The following RBM39 variants were observed in gnomAD, a reference collection of about 807,000 sequenced individuals.
RBM39 encodes RNA-binding protein 39.
RBM39 carries 12 observed loss-of-function variants against 79.6 expected under a neutral mutation model. The ratio of observed to expected loss-of-function variants is 0.15; its 90% CI spans 0.10 to 0.24. RBM39 has a LOEUF of 0.24. Ranked by LOEUF, RBM39 falls within the 10% of genes least tolerant of loss-of-function variation. The pLI is 1.00. For synonymous variants in RBM39, 185 were observed against 208.4 expected (o/e 0.89, Z 0.97); for missense variants, 243 against 653.4 (o/e 0.37, Z 6.85).
chr20:35,714,613 T>C (rs1217018529), intron 10 of RBM39, among the ~76,000 whole-genome samples: 1 of 152,156 alleles, frequency 6.6e-6, no homozygotes, highest in Non-Finnish European at 1.5e-5. Context: ...ATATTACAAG[T>C]AATGACAGCT....
At chr20:35,736,240 A>T (rs962540039) in intron 3 of RBM39, among the ~76,000 whole-genome samples, 2 of 152,234 alleles carry the variant, frequency 1.3e-5, no homozygotes, top group African/African-American at 4.8e-5. Flanking sequence ...ACCAGATGAC[A>T]TAAACCATAC....
At chr20:35,711,660 C>T (rs2036428685) in intron 12 of RBM39, among the ~76,000 whole-genome samples, 1 of 152,234 alleles carries the variant, frequency 6.6e-6, no homozygotes, top group East Asian at 1.9e-4. Flanking sequence ...AGAACAACCA[C>T]TAAGAAGGCA....
chr20:35,724,740 T>TTG lies in RBM39; in HGVS notation c.535-20_535-19dup, dbSNP rs2038433465. On this transcript the variant is annotated intron_variant, in intron 7 of 16. Coordinates refer to ENST00000253363, the MANE Select transcript of RBM39 (RefSeq NM_184234.3). Reference sequence around the variant, plus strand: ...TCTCGAACCTAGAAAGAAAACACAGTTGTTTGTGCAAACATCCATTGTAAC... The same window carrying TTG: ...TCTCGAACCTAGAAAGAAAACACAGTTGTGTTTGTGCAAACATCCATTGTAAC... 6.2e-7 allele frequency: 1 copy of TTG among 1,611,740 alleles called. No individual in the cohort carries two copies. The highest frequency in any genetic ancestry group is 8.5e-7 in the Non-Finnish European group (1 of 1,178,086).
At chr20:35,722,225 G>GTC (rs2038034235) in intron 8 of RBM39, among the ~76,000 whole-genome samples, 4 of 151,882 alleles carry the variant, frequency 2.6e-5, no homozygotes, top group African/African-American at 9.7e-5. Flanking sequence ...GGCTAACACA[G>GTC]TGAAACACCA....
chr20:35,734,719 G>C, intron 3 of RBM39: 1 of 980,858 alleles, frequency 1.0e-6, no homozygotes, highest in Non-Finnish European at 1.4e-6. Context: ...ACCCCAGGCA[G>C]GTAAAAAGAC....
intron 6 of RBM39, 139 bp downstream of exon 6, chr20:35,729,173 G>C: frequency 1.8e-6 from 1 of 546,306 alleles, no homozygotes; most frequent in Non-Finnish European, 3.0e-6. Flanking sequence ...AAATTCACTT[G>C]ACCTTAAAGT....
intron 13 of RBM39, chr20:35,707,484 C>A (rs1600380832): frequency 8.6e-6 from 2 of 233,766 alleles, no homozygotes; most frequent in East Asian, 2.1e-4. Context: ...TTCAATTAGA[C>A]AAAATCTCAA....
At chr20:35,731,615 T>A (rs1344701110) in intron 4 of RBM39, 1 of 276,750 alleles carries the variant, frequency 3.6e-6, no homozygotes, top group Non-Finnish European at 6.8e-6. Flanking sequence ...CTTGTTAAGC[T>A]TTCTTAGGTA....
At position 35,705,052 on chromosome 20, in the gene RBM39, ATTTTC is replaced by A. The variant is rs890820100; in HGVS notation, c.1413+168_1413+172del. The A allele has an allele frequency of 2.8e-4, 168 of 605,004 alleles. No homozygotes were observed. In the African/African-American group the frequency reaches 2.9e-3, roughly 10 times the overall value. 37.5% of individuals were successfully genotyped at this position (605,004 alleles called of 1,614,324 possible). A position where few individuals can be genotyped will look rare whatever the true frequency, so the allele number is the denominator to read the frequency against. ...TCATACCCTGATCAAATTGTTACTG[ATTTTC>A]TTTTATTTTGGAGGGTTTATTTAGC... On this transcript the variant is annotated intron_variant, in intron 15 of 16. Coordinates refer to ENST00000253363, the MANE Select transcript of RBM39 (RefSeq NM_184234.3).
At chr20:35,739,616 T>C (rs897556890) in intron 2 of RBM39, 4 of 454,776 alleles carry the variant, frequency 8.8e-6, no homozygotes. Flanking sequence ...AGTCAATTAA[T>C]AATCCACCAA....
chr20:35,725,012 G>A, intron 7 of RBM39, 26 bp downstream of exon 7: 2 of 1,458,068 alleles, frequency 1.4e-6, no homozygotes, highest in South Asian at 1.2e-5. Context: ...CTACCTACTT[G>A]ACCTCCCTAA....
chr20:35,734,118 C>G, intron 3 of RBM39: 1 of 861,562 alleles, frequency 1.2e-6, no homozygotes, highest in Non-Finnish European at 1.6e-6. Flanking sequence ...CAACTGAGGT[C>G]TGCCTCAGAG....
Position 35,701,359 on chromosome 20 carries a change from C to A in RBM39, c.*3122G>T. ...AGGTTGGAGTGCAGTGGCACGATCT[C>A]GGCTTACCGCAACTTCTGCCTCCTG... On this transcript the variant is annotated 3_prime_UTR_variant, in exon 17 of 17. Coordinates refer to ENST00000253363, the MANE Select transcript of RBM39 (RefSeq NM_184234.3). The A allele has an allele frequency of 6.2e-6, 1 of 160,960 alleles. No homozygotes were observed. Among genetic ancestry groups the A allele is most frequent in the Non-Finnish European group, 1.4e-5 (1 of 73,140 alleles). 10.0% of individuals were successfully genotyped at this position (160,960 alleles called of 1,614,324 possible). A position where few individuals can be genotyped will look rare whatever the true frequency, so the allele number is the denominator to read the frequency against.
At chr20:35,727,708 G>A (rs2038905853) in intron 6 of RBM39, among the ~76,000 whole-genome samples, 1 of 149,010 alleles carries the variant, frequency 6.7e-6, no homozygotes, top group Non-Finnish European at 1.5e-5. Flanking sequence ...GGAGTGCAAT[G>A]GCGCGATCTC....
intron 8 of RBM39, 99 bp downstream of exon 8, chr20:35,724,471 G>T: frequency 1.9e-6 from 2 of 1,069,340 alleles, no homozygotes; most frequent in Non-Finnish European, 2.5e-6. Flanking sequence ...CCGACTCAAC[G>T]TAATGAGCAG....
chr20:35,716,979 T>G (rs1010850790), intron 9 of RBM39, among the ~76,000 whole-genome samples, 174 bp from the exon 10 acceptor site: 1 of 151,532 alleles, frequency 6.6e-6, no homozygotes. Context: ...TAATTTTATA[T>G]GTAAAATGAA....
intron 3 of RBM39, among the ~76,000 whole-genome samples, chr20:35,736,056 G>C (rs1182207925): frequency 1.3e-5 from 2 of 152,174 alleles, no homozygotes; most frequent in Non-Finnish European, 2.9e-5. Context: ...GTACCCAAAA[G>C]TGTACGTTCT....
chr20:35,714,544 A>G (rs187855079), intron 10 of RBM39, among the ~76,000 whole-genome samples, 155 bp from the exon 11 acceptor site: 4 of 151,984 alleles, frequency 2.6e-5, no homozygotes, highest in East Asian at 3.9e-4. Flanking sequence ...CACAACATAC[A>G]TGATGACGAC....
intron 8 of RBM39, 138 bp downstream of exon 8, chr20:35,724,432 T>TA (rs74980478): frequency 0.15 from 90,500 of 610,600 alleles, 2,311 homozygotes; most frequent in African/African-American, 0.22. Flanking sequence ...AACGCAAAGT[T>TA]AAAAAAAAAA....
Sources: allele counts gnomAD v4.1 joint callset (sites outside exome capture counted in the v4.1 genomes callset), GRCh38; gene constraint gnomAD v4.1.1; transcripts MANE v1.5; gene names NCBI Gene and HGNC (gene_info 2026-07-23, HGNC 2026-07-21).